Variants in KIAA0930 observed in about 807,000 individuals in gnomAD.
The protein encoded by KIAA0930 is uncharacterized protein KIAA0930.
In KIAA0930, 24 loss-of-function variants were observed where a neutral mutation model predicts 43.9. That is an observed-to-expected ratio of 0.55 (90% CI 0.40 to 0.77). The LOEUF (loss-of-function observed/expected upper bound fraction) is 0.77. Among genes scored for constraint, KIAA0930 ranks in the 30% least tolerant of loss-of-function variants. The pLI, the probability that KIAA0930 is intolerant of heterozygous loss-of-function variation, is 0.00. For synonymous variants in KIAA0930, 259 were observed against 216.4 expected (o/e 1.20, Z -1.73); for missense variants, 461 against 574.2 (o/e 0.80, Z 2.02).
intron 1 of KIAA0930, among the ~76,000 whole-genome samples, chr22:45,238,705 C>T (rs554776173): frequency 1.3e-4 from 20 of 152,196 alleles, no homozygotes; most frequent in Admixed American, 9.8e-4. Context: ...AGACCTGGCA[C>T]GTGCGGGAGG....
intron 1 of KIAA0930, among the ~76,000 whole-genome samples, chr22:45,219,415 T>C (rs1804448946): frequency 6.6e-6 from 1 of 152,110 alleles, no homozygotes; most frequent in African/African-American, 2.4e-5. Context: ...CCCCAATCCT[T>C]TTTTAGAAAA....
chr22:45,219,232 G>A (rs1016624907), intron 1 of KIAA0930, among the ~76,000 whole-genome samples: 36 of 152,078 alleles, frequency 2.4e-4, no homozygotes, highest in African/African-American at 8.2e-4. Flanking sequence ...TGCCTCCTAC[G>A]GTTACCATGG....
At chr22:45,207,492 T>C (rs1490752896) in intron 2 of KIAA0930, 2 of 153,428 alleles carry the variant, frequency 1.3e-5, no homozygotes, top group Admixed American at 6.7e-5. Context: ...GTAATTTTTT[T>C]TTTTTTTTTT....
intron 1 of KIAA0930, among the ~76,000 whole-genome samples, chr22:45,218,597 A>G (rs1388755370): frequency 1.3e-5 from 2 of 151,912 alleles, no homozygotes; most frequent in African/African-American, 4.8e-5. Context: ...ATTTTCAACC[A>G]AAACTTGAGA....
At chr22:45,236,019 C>T (rs969387977) in intron 1 of KIAA0930, among the ~76,000 whole-genome samples, 2 of 152,258 alleles carry the variant, frequency 1.3e-5, no homozygotes, top group Admixed American at 6.5e-5. Flanking sequence ...AGAGGCAAGG[C>T]CGTCTCCCTC....
At chr22:45,199,728 T>C in intron 8 of KIAA0930, 145 bp downstream of exon 8, 1 of 874,972 alleles carries the variant, frequency 1.1e-6, no homozygotes, top group Non-Finnish European at 1.7e-6. Flanking sequence ...CCTCAGCTCC[T>C]GGAGGGCTGC....
At chr22:45,226,265 C>A (rs942471541) in intron 1 of KIAA0930, 1 of 471,062 alleles carries the variant, frequency 2.1e-6, no homozygotes, top group African/African-American at 2.0e-5. Flanking sequence ...GACCACCTAA[C>A]AGCCATTTTA....
intron 1 of KIAA0930, among the ~76,000 whole-genome samples, chr22:45,216,197 T>A (rs2083731573): frequency 1.3e-5 from 2 of 151,752 alleles, no homozygotes; most frequent in Admixed American, 6.6e-5. Context: ...GTGTTAGGAG[T>A]TGCAGTCAAA....
At chr22:45,232,982 T>A (rs2083863625) in intron 1 of KIAA0930, among the ~76,000 whole-genome samples, 1 of 151,992 alleles carries the variant, frequency 6.6e-6, no homozygotes, top group Admixed American at 6.5e-5. Flanking sequence ...GTCGATGACA[T>A]TAAGGTTCAT....
chr22:45,205,182 G>A (rs1322929551), intron 5 of KIAA0930, 35 bp downstream of exon 5: 4 of 1,529,274 alleles, frequency 2.6e-6, no homozygotes, highest in Admixed American at 3.3e-5. Context: ...CACGAGAAGG[G>A]GAAGCTAAGG....
chr22:45,216,535 C>A (rs1208865221), intron 1 of KIAA0930, among the ~76,000 whole-genome samples: 5 of 152,198 alleles, frequency 3.3e-5, no homozygotes, highest in African/African-American at 1.2e-4. Context: ...GGTGCAGCAA[C>A]TGGCTGTGAA....
rs546393289 is a variant in KIAA0930 at position 45,226,351 on chromosome 22, G to C, written c.65-14244C>G. Reference sequence around the variant, plus strand: ...GGTTGGGCTTCGTATCCAGTTCTGTGGGCCTGCTCTGCCCCAGGCGCTGCA... The same window carrying C: ...GGTTGGGCTTCGTATCCAGTTCTGTCGGCCTGCTCTGCCCCAGGCGCTGCA... On this transcript the variant is annotated intron_variant, in intron 1 of 9. Transcript: ENST00000336156. 2.1e-5 allele frequency: 10 copies of C among 471,010 alleles called. No individual in the cohort carries two copies. The East Asian group carries it at 6.3e-4, about 29-fold the overall frequency. The allele number at this position is 471,010 out of a possible 1,614,324, so 29.2% of individuals were successfully genotyped here.
chr22:45,203,201 G>A lies in KIAA0930; in HGVS notation c.658-17C>T. On this transcript the variant is annotated splice_polypyrimidine_tract_variant and intron_variant, in intron 6 of 9. Transcript: ENST00000336156. ...CACGCTCACCTGGGGGCCGGCGCGG[G>A]GCAGCCTGAGTCAGGGAGGTGGCGA... 1 of 1,575,210 alleles carries A rather than the reference G, an allele frequency of 6.3e-7. No homozygotes were observed. The highest frequency in any genetic ancestry group is 8.6e-7 in the Non-Finnish European group (1 of 1,158,120).
intron 2 of KIAA0930, among the ~76,000 whole-genome samples, chr22:45,210,129 T>C (rs2083679597): frequency 1.3e-5 from 2 of 152,062 alleles, no homozygotes; most frequent in South Asian, 2.1e-4. Flanking sequence ...CAGCTGAGAG[T>C]GTCTCAAATG....
chr22:45,197,403 G>A (rs911825629), intron 9 of KIAA0930, among the ~76,000 whole-genome samples, 187 bp from the exon 10 acceptor site: 7 of 152,294 alleles, frequency 4.6e-5, no homozygotes, highest in Non-Finnish European at 7.4e-5. Context: ...AAATGGGCTC[G>A]CAGCAACGGC....
At chr22:45,204,301 T>TG (rs1203995890) in intron 5 of KIAA0930, among the ~76,000 whole-genome samples, 2 of 152,004 alleles carry the variant, frequency 1.3e-5, no homozygotes, top group African/African-American at 4.8e-5. Flanking sequence ...CGCCTAGGGG[T>TG]GCCCAGCCCT....
chr22:45,203,807 G>A (rs2083611410), intron 6 of KIAA0930, 38 bp downstream of exon 6: 2 of 1,606,346 alleles, frequency 1.2e-6, no homozygotes, highest in Non-Finnish European at 8.5e-7. Context: ...GCCGTCCCCG[G>A]GCCCAGAAGA....
At chr22:45,201,072 G>A (rs1194972304) in intron 7 of KIAA0930, 9 of 480,914 alleles carry the variant, frequency 1.9e-5, no homozygotes, top group Non-Finnish European at 3.4e-5. Context: ...GACTTCGGGA[G>A]CCCCGTCAGC....
At chr22:45,229,461 C>T (rs560636687) in intron 1 of KIAA0930, among the ~76,000 whole-genome samples, 45 of 151,976 alleles carry the variant, frequency 3.0e-4, no homozygotes, top group South Asian at 6.2e-4. Flanking sequence ...AAGTCAGAGC[C>T]GTGGAGGGGA....
Sources: allele counts gnomAD v4.1 joint callset (sites outside exome capture counted in the v4.1 genomes callset), GRCh38; gene constraint gnomAD v4.1.1; transcripts MANE v1.5; gene names NCBI Gene and HGNC (gene_info 2026-07-23, HGNC 2026-07-21).